DLX3: variants seen among roughly 807,000 people sequenced by gnomAD.
DLX3 encodes homeobox protein DLX-3.
A neutral mutation model predicts 28.0 loss-of-function variants in DLX3; 9 were observed. The observed-to-expected ratio is 0.32, with a 90% confidence interval of 0.19 to 0.56. The LOEUF (loss-of-function observed/expected upper bound fraction) is 0.56. Among genes scored for constraint, DLX3 ranks in the 20% least tolerant of loss-of-function variants. The pLI is 0.91. For missense variants in DLX3, 313 were observed against 378.2 expected (o/e 0.83, Z 1.43); for synonymous variants, 154 against 167.9 (o/e 0.92, Z 0.64).
rs138972403 is a variant in DLX3 at position 49,991,698 on chromosome 17, C to T, written c.683G>A (p.Arg228His). The change falls in exon 3 of 3, where the codon CGC becomes CAC. Residue 228 changes from arginine (R) to histidine (H), a missense_variant. Arg to His is a conservative substitution (Grantham distance 29). Transcript: ENST00000434704. ...TGGGAGCGGCGGGGGCAGCTGACTG[C>T]GGGCAGGGGCCGGAGTGGAGTGGGA... Reference protein sequence around the residue: ...TSSHSTPAPARSQLPPPLPYS... With the variant: ...TSSHSTPAPAHSQLPPPLPYS... 4.4e-5 allele frequency: 71 copies of T among 1,612,978 alleles called. No homozygotes were observed. The highest frequency in any genetic ancestry group is 2.0e-4 in the African/African-American group (15 of 74,906).
At position 49,994,689 on chromosome 17, in the gene DLX3, G is replaced by A. The variant is rs1041310386; in HGVS notation, c.310C>T (p.Pro104Ser). The A allele has an allele frequency of 3.1e-6, 5 of 1,613,800 alleles. No homozygotes were observed. Among genetic ancestry groups the A allele is most frequent in the Non-Finnish European group, 4.2e-6 (5 of 1,180,026 alleles). The change falls in exon 1 of 3, where the codon CCA becomes TCA. Residue 104 changes from proline to serine, a missense_variant. Pro to Ser is a moderately conservative substitution (Grantham distance 74). Coordinates refer to ENST00000434704, the MANE Select transcript of DLX3 (RefSeq NM_005220.3). The stretch of plus-strand genomic sequence containing the variant: ...TGGCCCTCACCTGGGTCCTGGGCTG[G>A]CAGCGGCTGCTCCCGATACGCCCCG... ...QYGAYREQPL[P>S]AQDPVSVKEE...
At chr17:49,993,329 C>G in intron 2 of DLX3, 71 bp downstream of exon 2, 2 of 1,498,700 alleles carry the variant, frequency 1.3e-6, no homozygotes, top group Non-Finnish European at 1.8e-6. Context: ...AGTGGCCAGC[C>G]AGGCTCGGCA....
At position 49,991,275 on chromosome 17, in the gene DLX3, G is replaced by T; in HGVS notation, c.*242C>A. ...GGGGAATGGCTGTCCCCACTGGGGT[G>T]GAATGTCCCCACATCTGGAGGGGTA... On this transcript the variant is annotated 3_prime_UTR_variant, in exon 3 of 3. Coordinates refer to ENST00000434704, the MANE Select transcript of DLX3 (RefSeq NM_005220.3). 1.9e-6 allele frequency: 1 copy of T among 517,722 alleles called. No homozygotes were observed. 32.1% of individuals were successfully genotyped at this position (517,722 alleles called of 1,614,324 possible).
chr17:49,993,271 A>G (rs975855834), intron 2 of DLX3, 129 bp downstream of exon 2: 13 of 949,918 alleles, frequency 1.4e-5, no homozygotes, highest in Non-Finnish European at 2.0e-5. Context: ...TGAACCTCGC[A>G]GGCCCCCATC....
At position 49,991,038 on chromosome 17, in the gene DLX3, C is replaced by A; in HGVS notation, c.*479G>T. On this transcript the variant is annotated 3_prime_UTR_variant, in exon 3 of 3. Transcript: ENST00000434704. ...CACTGTCTTATTGGCCGAGGGGCCG[C>A]TCGAGCAGGGGGAGACCACCAGAGG... 6.1e-6 allele frequency: 1 copy of A among 164,396 alleles called. No homozygotes were observed. The highest frequency in any genetic ancestry group is 1.3e-5 in the Non-Finnish European group (1 of 74,392). The allele number at this position is 164,396 out of a possible 1,614,324, so 10.2% of individuals were successfully genotyped here. A position where few individuals can be genotyped will look rare whatever the true frequency, so the allele number is the denominator to read the frequency against.
chr17:49,991,272 G>A lies in DLX3; in HGVS notation c.*245C>T. The stretch of plus-strand genomic sequence containing the variant: ...GTAGGGGAATGGCTGTCCCCACTGG[G>A]GTGGAATGTCCCCACATCTGGAGGG... On this transcript the variant is annotated 3_prime_UTR_variant, in exon 3 of 3. Transcript: ENST00000434704. 1.9e-6 allele frequency: 1 copy of A among 515,496 alleles called. No individual in the cohort carries two copies. Among genetic ancestry groups the A allele is most frequent in the African/African-American group, 1.9e-5 (1 of 51,978 alleles). 31.9% of individuals were successfully genotyped at this position (515,496 alleles called of 1,614,324 possible).
intron 1 of DLX3, 146 bp downstream of exon 1, chr17:49,994,528 C>G (rs1906210691): frequency 1.0e-6 from 1 of 981,856 alleles, no homozygotes; most frequent in Non-Finnish European, 1.5e-6. Context: ...CCTGGTCCCT[C>G]TGAGGGTCAT....
In DLX3 at chr17:49,994,890, C is replaced by T. The variant is rs1209951312; in HGVS notation, c.109G>A (p.Val37Ile). The T allele has an allele frequency of 1.9e-6, 3 of 1,614,100 alleles. No homozygotes were observed. The highest frequency in any genetic ancestry group is 1.3e-5 in the African/African-American group (1 of 74,948). The change falls in exon 1 of 3, where the codon GTC becomes ATC. Residue 37 changes from valine (V) to isoleucine (I), a missense_variant. Coordinates refer to ENST00000434704, the MANE Select transcript of DLX3 (RefSeq NM_005220.3). Reference protein sequence around the residue: ...KDSPTLPESSVTDLGYYSAPQ... With the variant: ...KDSPTLPESSITDLGYYSAPQ... ...GCGCTGTAGTAGCCCAGGTCAGTGA[C>T]AGAAGACTCGGGCAGGGTAGGCGAG...
At position 49,994,926 on chromosome 17, in the gene DLX3, C is replaced by A. The variant is rs1430225377; in HGVS notation, c.73G>T (p.Gly25Cys). ...GGCAGGGTAGGCGAGTCCTTGGAGC[C>A]CGCATGGCAGCTAAGGGAGCTGGAG... ...DISSSLSCHA[G>C]SKDSPTLPES... is the part of the protein sequence containing the mutation. The change falls in exon 1 of 3, where the codon GGC becomes TGC. Residue 25 changes from glycine (G) to cysteine (C), a missense_variant. Physicochemically the swap from Gly to Cys is radical, Grantham distance 159 (BLOSUM62 -3). Around this residue, in one of 3 missense-constraint regions of DLX3, gnomAD observed 183 missense variants for 197.7 expected, o/e 0.93. Coordinates refer to ENST00000434704, the MANE Select transcript of DLX3 (RefSeq NM_005220.3). 1 of 1,613,948 alleles carries A rather than the reference C, an allele frequency of 6.2e-7. No individual in the cohort carries two copies. Among genetic ancestry groups the A allele is most frequent in the Non-Finnish European group, 8.5e-7 (1 of 1,180,056 alleles).
chr17:49,992,993 C>T (rs1906145446), intron 2 of DLX3, among the ~76,000 whole-genome samples: 2 of 152,222 alleles, frequency 1.3e-5, no homozygotes, highest in Non-Finnish European at 2.9e-5. Context: ...ATGACCCCGG[C>T]AGGATCACAC....
Position 49,994,926 on chromosome 17 carries a change from C to T in DLX3, c.73G>A (p.Gly25Ser). The T allele has an allele frequency of 6.2e-7, 1 of 1,614,066 alleles. No homozygotes were observed. ...DISSSLSCHA[G>S]SKDSPTLPES... ...GGCAGGGTAGGCGAGTCCTTGGAGCCCGCATGGCAGCTAAGGGAGCTGGAG... is the reference window on the plus strand; with the variant it reads ...GGCAGGGTAGGCGAGTCCTTGGAGCTCGCATGGCAGCTAAGGGAGCTGGAG... Residue 25 changes from glycine to serine, a missense_variant, in exon 1 of 3, where the codon GGC becomes AGC. Around this residue, in one of 3 missense-constraint regions of DLX3, gnomAD observed 183 missense variants for 197.7 expected, o/e 0.93. Transcript: ENST00000434704.
Position 49,991,429 on chromosome 17 carries a change from C to T in DLX3, c.*88G>A. ...GGAAAGGGAGTTCCTTTTCCCTGTG[C>T]TCCTCGATGATTCCTGAGTGGCTAG... On this transcript the variant is annotated 3_prime_UTR_variant, in exon 3 of 3. Coordinates refer to ENST00000434704, the MANE Select transcript of DLX3 (RefSeq NM_005220.3). The T allele has an allele frequency of 8.4e-7, 1 of 1,187,722 alleles. No homozygotes were observed. Among genetic ancestry groups the T allele is most frequent in the South Asian group, 1.5e-5 (1 of 66,510 alleles). The allele number at this position is 1,187,722 out of a possible 1,614,324, so 73.6% of individuals were successfully genotyped here. A position where few individuals can be genotyped will look rare whatever the true frequency, so the allele number is the denominator to read the frequency against.
In DLX3 at chr17:49,993,586, C is replaced by A; in HGVS notation, c.330G>T (p.Ser110=). 1 of 1,613,338 alleles carries A rather than the reference C, an allele frequency of 6.2e-7. No homozygotes were observed. Among genetic ancestry groups the A allele is most frequent in the South Asian group, 1.1e-5 (1 of 91,048 alleles). The change falls in exon 2 of 3, where the codon TCG becomes TCT. Residue 110 remains serine, a synonymous_variant. Coordinates refer to ENST00000434704, the MANE Select transcript of DLX3 (RefSeq NM_005220.3). Reference sequence around the variant, plus strand: ...CCTCTGCTTCCGGCTCCTCCTTCACCGACACTGCGGGGAACGCACCGGGCG... The same window carrying A: ...CCTCTGCTTCCGGCTCCTCCTTCACAGACACTGCGGGGAACGCACCGGGCG... ...EQPLPAQDPV[S]VKEEPEAEVR... is the part of the protein sequence containing the mutation.
Position 49,994,782 on chromosome 17 carries a change from C to T in DLX3, c.217G>A (p.Gly73Arg), listed in dbSNP as rs1048462149. 2.5e-6 allele frequency: 4 copies of T among 1,614,102 alleles called. No homozygotes were observed. The highest frequency in any genetic ancestry group is 1.1e-5 in the South Asian group (1 of 91,096). Residue 73 changes from glycine to arginine, a missense_variant, in exon 1 of 3, where the codon GGG (glycine) becomes AGG (arginine). This residue lies in a region of DLX3 where 183 missense variants were observed against 197.7 expected (regional missense o/e 0.93). Coordinates refer to ENST00000434704, the MANE Select transcript of DLX3 (RefSeq NM_005220.3). Reference protein sequence around the residue: ...YTYHHQFNLNGLAGTGAYSPK... With the variant: ...YTYHHQFNLNRLAGTGAYSPK... ...GAGTAAGCGCCCGTGCCTGCAAGCC[C>T]ATTGAGATTGAATTGGTGGTGGTAG...
rs1204377622 is a variant in DLX3, at chr17:49,995,193, T to G, written c.-195A>C. On this transcript the variant is annotated 5_prime_UTR_variant, in exon 1 of 3. Coordinates refer to ENST00000434704, the MANE Select transcript of DLX3 (RefSeq NM_005220.3). ...TGCCGTCAGGCGGTCGCTGCGCGCC[T>G]CTCCTCGCGTCCCAAGCCACAATCA... 1 of 682,480 alleles carries G rather than the reference T, an allele frequency of 1.5e-6. No individual in the cohort carries two copies. 42.3% of individuals were successfully genotyped at this position (682,480 alleles called of 1,614,324 possible).
At position 49,991,683 on chromosome 17, in the gene DLX3, G is replaced by A. The variant is rs146899668; in HGVS notation, c.698C>T (p.Pro233Leu). The A allele has an allele frequency of 1.7e-5, 28 of 1,613,392 alleles. No homozygotes were observed. The highest frequency in any genetic ancestry group is 2.2e-5 in the South Asian group (2 of 91,070). ...TPAPARSQLP[P>L]PLPYSASPSY... Reference sequence around the variant, plus strand: ...GGGGGAGGCACTGTATGGGAGCGGCGGGGGCAGCTGACTGCGGGCAGGGGC... The same window carrying A: ...GGGGGAGGCACTGTATGGGAGCGGCAGGGGCAGCTGACTGCGGGCAGGGGC... The change falls in exon 3 of 3, where the codon CCG becomes CTG. Residue 233 changes from proline (P) to leucine (L), a missense_variant. Coordinates refer to ENST00000434704, the MANE Select transcript of DLX3 (RefSeq NM_005220.3).
At chr17:49,993,754 C>A in intron 1 of DLX3, 164 bp from the exon 2 acceptor site, 2 of 681,184 alleles carry the variant, frequency 2.9e-6, no homozygotes, top group Non-Finnish European at 4.4e-6. Flanking sequence ...GGAGCCGCGG[C>A]CCCAGAGCCA....
Position 49,991,306 on chromosome 17 carries a change from G to GT in DLX3, c.*210dup. 1.8e-6 allele frequency: 1 copy of GT among 566,904 alleles called. No homozygotes were observed. Among genetic ancestry groups the GT allele is most frequent in the Non-Finnish European group, 3.1e-6 (1 of 323,432 alleles). The allele number at this position is 566,904 out of a possible 1,614,324, so 35.1% of individuals were successfully genotyped here. ...TCCCCACATCTGGAGGGGTACCCCA[G>GT]TGTCTAGGCAGAGGGAGGGAGGTTC... On this transcript the variant is annotated 3_prime_UTR_variant, in exon 3 of 3. Coordinates refer to ENST00000434704, the MANE Select transcript of DLX3 (RefSeq NM_005220.3).
Position 49,995,116 on chromosome 17 carries a change from C to G in DLX3, c.-118G>C, listed in dbSNP as rs1368558798. 2.5e-5 allele frequency: 33 copies of G among 1,311,716 alleles called. No homozygotes were observed. Among genetic ancestry groups the G allele is most frequent in the Non-Finnish European group, 3.2e-5 (30 of 944,996 alleles). 81.3% of individuals were successfully genotyped at this position (1,311,716 alleles called of 1,614,324 possible). ...GTGTGTCCAGAAGGCGAAGGGAGGACCCGGCCGCGTCTGGGGGGAGGGGGA... is the reference window on the plus strand; with the variant it reads ...GTGTGTCCAGAAGGCGAAGGGAGGAGCCGGCCGCGTCTGGGGGGAGGGGGA... On this transcript the variant is annotated 5_prime_UTR_variant, in exon 1 of 3. Coordinates refer to ENST00000434704, the MANE Select transcript of DLX3 (RefSeq NM_005220.3).
Sources: gnomAD v4.1 joint callset for allele counts (sites outside exome capture counted in the v4.1 genomes callset) on GRCh38, gnomAD v4.1.1 for gene constraint, gnomAD v4.1.1 regional missense constraint, MANE v1.5 for transcripts, NCBI Gene and HGNC (gene_info 2026-07-23, HGNC 2026-07-21) for gene names.